The following MMP16 variants were observed in gnomAD, a reference collection of about 807,000 sequenced individuals.
MMP16 encodes the protein matrix metalloproteinase-16.
Under a neutral mutation model 67.8 loss-of-function variants are expected in MMP16, and 12 were observed. The observed-to-expected ratio is 0.18, with a 90% CI of 0.11 to 0.29. MMP16 has a LOEUF of 0.29. MMP16 is among the 10% of genes least tolerant of loss of function. The pLI is 1.00. For missense variants in MMP16, 475 were observed against 765.7 expected (o/e 0.62, Z 4.48); for synonymous variants, 249 against 255.9 (o/e 0.97, Z 0.26).
intron 1 of MMP16, among the ~76,000 whole-genome samples, chr8:88,306,686 T>C (rs1811216511): frequency 6.6e-6 from 1 of 152,140 alleles, no homozygotes; most frequent in South Asian, 2.1e-4. Flanking sequence ...ATCCACATGG[T>C]TATCTCAATA....
At chr8:88,172,229 T>G (rs1382985087) in intron 3 of MMP16, among the ~76,000 whole-genome samples, 2 of 152,206 alleles carry the variant, frequency 1.3e-5, no homozygotes, top group Non-Finnish European at 2.9e-5. Context: ...CAGAAAAAAT[T>G]GTAGTTAAAA....
At chr8:88,164,166 G>A (rs1418361944) in intron 4 of MMP16, among the ~76,000 whole-genome samples, 1 of 152,024 alleles carries the variant, frequency 6.6e-6, no homozygotes, top group Non-Finnish European at 1.5e-5. Context: ...AATGTGCTGG[G>A]TACTTATCAA....
At chr8:88,310,863 G>A (rs1019897959) in intron 1 of MMP16, among the ~76,000 whole-genome samples, 8 of 152,042 alleles carry the variant, frequency 5.3e-5, no homozygotes, top group African/African-American at 1.9e-4. Flanking sequence ...TCTAGACACA[G>A]GAAGACCAAA....
rs190889754 is a variant in MMP16 at position 88,238,782 on chromosome 8, T to C, written c.133-41476A>G. On this transcript the variant is annotated intron_variant, in intron 1 of 9. Coordinates refer to ENST00000286614, the MANE Select transcript of MMP16 (RefSeq NM_005941.5). ...ACTTTGAGGCATATGTAAAAGTTTA[T>C]GATATTTAAGTTCATAATAGCCAAT... is the stretch of plus-strand genomic sequence containing the variant. 3.4e-3 allele frequency among the ~76,000 whole-genome samples: 520 copies of C among 152,120 alleles called. 5 individuals are homozygous for C. Among genetic ancestry groups the C allele is most frequent in the African/African-American group, 0.012 (495 of 41,496 alleles).
chr8:88,312,629 CTCAGTCCCTAGGCAA>C (rs1811312898), intron 1 of MMP16, among the ~76,000 whole-genome samples: 3 of 152,144 alleles, frequency 2.0e-5, no homozygotes, highest in Admixed American at 1.3e-4. Flanking sequence ...GCCCTCCTCC[CTCAGTCCCTAGGCAA>C]TCACTGATCT....
intron 4 of MMP16, among the ~76,000 whole-genome samples, chr8:88,137,192 G>A (rs1363141916): frequency 6.6e-6 from 1 of 151,768 alleles, no homozygotes; most frequent in East Asian, 1.9e-4. Flanking sequence ...GCTCGTTGAA[G>A]TCTTTTATCT....
At chr8:88,217,958 T>C (rs1809620588) in intron 1 of MMP16, among the ~76,000 whole-genome samples, 1 of 152,048 alleles carries the variant, frequency 6.6e-6, no homozygotes, top group Non-Finnish European at 1.5e-5. Flanking sequence ...CTTGGTTCTT[T>C]AGTATGCATG....
At chr8:88,127,056 A>C (rs1055564447) in intron 4 of MMP16, among the ~76,000 whole-genome samples, 1 of 151,862 alleles carries the variant, frequency 6.6e-6, no homozygotes. Context: ...GCAGTAAGTA[A>C]AAAGGCTGTT....
At chr8:88,076,885 G>A (rs1190671970) in intron 6 of MMP16, among the ~76,000 whole-genome samples, 6 of 152,078 alleles carry the variant, frequency 3.9e-5, no homozygotes, top group Non-Finnish European at 7.4e-5. Flanking sequence ...AGAATGGGAG[G>A]AAATCTGGTG....
intron 1 of MMP16, among the ~76,000 whole-genome samples, chr8:88,313,975 G>C (rs751412646): frequency 6.6e-6 from 1 of 152,116 alleles, no homozygotes; most frequent in Non-Finnish European, 1.5e-5. Context: ...CTCCTACTGT[G>C]TTCCTCCCAT....
chr8:88,231,644 G>T (rs963901255), intron 1 of MMP16, among the ~76,000 whole-genome samples: 1 of 152,182 alleles, frequency 6.6e-6, no homozygotes, highest in African/African-American at 2.4e-5. Flanking sequence ...TGACCAGCTT[G>T]TAAATATTAA....
chr8:88,270,552 G>A (rs1028606370), intron 1 of MMP16, among the ~76,000 whole-genome samples: 12 of 152,150 alleles, frequency 7.9e-5, no homozygotes, highest in African/African-American at 1.9e-4. Flanking sequence ...TGTACATTTT[G>A]TAGATAAGGA....
At chr8:88,252,229 G>C (rs1810236643) in intron 1 of MMP16, among the ~76,000 whole-genome samples, 2 of 151,902 alleles carry the variant, frequency 1.3e-5, no homozygotes, top group African/African-American at 2.4e-5. Context: ...CAATAGCAAA[G>C]ACTTGGAACC....
intron 4 of MMP16, among the ~76,000 whole-genome samples, chr8:88,136,856 C>A (rs1808127027): frequency 6.6e-6 from 1 of 151,704 alleles, no homozygotes; most frequent in South Asian, 2.1e-4. Context: ...CACCACACCA[C>A]ATTATACCAT....
rs544219318 is a variant in MMP16 at position 88,290,905 on chromosome 8, G to A, written c.132+36170C>T. Among the ~76,000 whole-genome samples, 3 of 152,254 alleles carry A rather than the reference G, an allele frequency of 2.0e-5. No homozygotes were observed. The East Asian group carries it at 5.8e-4, about 29-fold the overall frequency. ...TTTTATTTATGTAAATATAATAGAA[G>A]AAATCCTTAAATATTCAAAAAATGA... is the stretch of plus-strand genomic sequence containing the variant. On this transcript the variant is annotated intron_variant, in intron 1 of 9. Coordinates refer to ENST00000286614, the MANE Select transcript of MMP16 (RefSeq NM_005941.5).
intron 4 of MMP16, among the ~76,000 whole-genome samples, chr8:88,120,219 A>G (rs749577449): frequency 4.6e-5 from 7 of 152,036 alleles, no homozygotes; most frequent in Non-Finnish European, 8.8e-5. Flanking sequence ...GAAGTTATTC[A>G]TGAAGAGTTA....
At chr8:88,313,112 A>G (rs1811322431) in intron 1 of MMP16, among the ~76,000 whole-genome samples, 1 of 152,232 alleles carries the variant, frequency 6.6e-6, no homozygotes, top group Non-Finnish European at 1.5e-5. Flanking sequence ...TTTACAATGT[A>G]TCAATAGTGC....
chr8:88,227,604 C>A (rs1488155485), intron 1 of MMP16, among the ~76,000 whole-genome samples: 1 of 152,058 alleles, frequency 6.6e-6, no homozygotes, highest in Non-Finnish European at 1.5e-5. Flanking sequence ...GAATCAGCAT[C>A]TGAATGGCCA....
At chr8:88,310,787 A>AG (rs1811283262) in intron 1 of MMP16, among the ~76,000 whole-genome samples, 1 of 152,146 alleles carries the variant, frequency 6.6e-6, no homozygotes, top group South Asian at 2.1e-4. Context: ...GCAAGAAGAG[A>AG]GAAAAAAAGT....
Sources: allele counts gnomAD v4.1 joint callset (sites outside exome capture counted in the v4.1 genomes callset), GRCh38; gene constraint gnomAD v4.1.1; transcripts MANE v1.5; gene names NCBI Gene and HGNC (gene_info 2026-07-23, HGNC 2026-07-21).